The following TTLL8 variants were observed in gnomAD, a reference collection of about 807,000 sequenced individuals.
TTLL8 encodes the protein tubulin tyrosine ligase like 8.
TTLL8 carries 65 observed loss-of-function variants against 77.8 expected under a neutral mutation model. That is an observed-to-expected ratio of 0.84 (90% confidence interval 0.68 to 1.03). The LOEUF (loss-of-function observed/expected upper bound fraction) is 1.03, where lower values mean the gene tolerates loss of function less well. TTLL8 is among the 50% of genes least tolerant of loss of function. TTLL8 has a pLI of 0.00. For missense variants in TTLL8, 910 were observed against 1,004.5 expected (o/e 0.91, Z 1.27); for synonymous variants, 402 against 422.8 (o/e 0.95, Z 0.60).
intron 8 of TTLL8, among the ~76,000 whole-genome samples, chr22:50,038,840 T>C (rs113972777): frequency 4.3e-4 from 65 of 152,282 alleles, no homozygotes; most frequent in African/African-American, 1.5e-3. Context: ...AGTTTTTTCA[T>C]TTCCAAGTTG....
chr22:50,033,408 C>T (rs1325863726), exon 10 of TTLL8: 1 of 1,365,246 alleles, frequency 7.3e-7, no homozygotes, highest in East Asian at 4.6e-5. Flanking sequence ...CAGCTGCCAG[C>T]TCCAGGATCT....
chr22:50,030,319 C>T (rs1277101738), intron 12 of TTLL8, 111 bp downstream of exon 13: 1 of 1,131,982 alleles, frequency 8.8e-7, no homozygotes. Flanking sequence ...GGCCCCAGCA[C>T]CGAAGCCTGC....
At chr22:50,033,496 ACCTGAGCT>A in intron 9 of TTLL8, 51 bp from the exon 11 acceptor site, 1 of 1,324,918 alleles carries the variant, frequency 7.5e-7, no homozygotes, top group South Asian at 1.2e-5. Flanking sequence ...GTGCAGCGGG[ACCTGAGCT>A]CCTGAGCCCT....
chr22:50,054,675 C>G (rs376432781), upstream of TTLL8: 46 of 183,630 alleles, frequency 2.5e-4, no homozygotes, highest in Non-Finnish European at 6.7e-5. Context: ...GGACAAGCAC[C>G]CACCCTAGGA....
chr22:50,033,193 C>T lies in TTLL8; in HGVS notation c.1283+9G>A, dbSNP rs777931511. On this transcript the variant is annotated intron_variant, in intron 10 of 13. Transcript: ENST00000266182. The stretch of plus-strand genomic sequence containing the variant: ...GGCCCGAGGTGTCCAGGTCGCCCAC[C>T]GCACTGACCTGTCCAGCTTGTCCAG... The T allele has an allele frequency of 4.6e-5, 56 of 1,225,762 alleles. No homozygotes were observed. Among genetic ancestry groups the T allele is most frequent in the South Asian group, 1.8e-4 (15 of 81,108 alleles). The allele number at this position is 1,225,762 out of a possible 1,614,324, so 75.9% of individuals were successfully genotyped here.
chr22:50,041,595 G>T lies in TTLL8; in HGVS notation c.830+26C>A, dbSNP rs370036081. 887 of 1,325,610 alleles carry T rather than the reference G, an allele frequency of 6.7e-4. 1 individual carries two copies. The highest frequency in any genetic ancestry group is 8.4e-4 in the Non-Finnish European group (843 of 1,000,032). The allele number at this position is 1,325,610 out of a possible 1,614,324, so 82.1% of individuals were successfully genotyped here. Reference sequence around the variant, plus strand: ...CAATCTGCACTCACAGCTCCGACATGTGCCAGGGGCCTGCGTAAGTCTTAC... The same window carrying T: ...CAATCTGCACTCACAGCTCCGACATTTGCCAGGGGCCTGCGTAAGTCTTAC... On this transcript the variant is annotated intron_variant, in intron 7 of 13. Coordinates refer to ENST00000266182, the Ensembl canonical transcript of TTLL8. This position sits in a 1 kb window ranked among gnomAD's most constrained non-coding sequence, Gnocchi z 4.3.
chr22:50,058,124 T>C (rs866437232), upstream of TTLL8, among the ~76,000 whole-genome samples: 15 of 151,732 alleles, frequency 9.9e-5, no homozygotes, highest in South Asian at 3.1e-3. The surrounding 1 kb of genome is among the most constrained non-coding windows in gnomAD (Gnocchi z 4.2). Context: ...CGGACGGGCC[T>C]GGGGTTCCGC....
chr22:50,049,928 T>C lies in TTLL8; in HGVS notation c.190+181A>G, dbSNP rs1317975997. On this transcript the variant is annotated intron_variant, in intron 2 of 13. Transcript: ENST00000266182. ...GCAGGGCTGGGGGCTTGAAAGGGTT[T>C]GCCTGGCACGACCGCCTGGGGCAGG... is the stretch of plus-strand genomic sequence containing the variant. 7.8e-6 allele frequency: 4 copies of C among 515,624 alleles called. No homozygotes were observed. In the East Asian group the frequency reaches 6.0e-4, roughly 77 times the overall value. 31.9% of individuals were successfully genotyped at this position (515,624 alleles called of 1,614,324 possible).
chr22:50,022,317 C>T (rs35982258), intron 12 of TTLL8, among the ~76,000 whole-genome samples: 23,752 of 138,984 alleles, frequency 0.17, 2,173 homozygotes, highest in African/African-American at 0.25. Flanking sequence ...CACACTCCTC[C>T]GACGACGTGC....
chr22:50,019,042 A>G (rs1209665960), intron 12 of TTLL8, among the ~76,000 whole-genome samples: 1 of 152,262 alleles, frequency 6.6e-6, no homozygotes, highest in East Asian at 1.9e-4. Context: ...GCTGACAGCA[A>G]TAGCAGGAAG....
intron 12 of TTLL8, chr22:50,030,192 C>T (rs1453108919): frequency 3.0e-6 from 3 of 985,418 alleles, no homozygotes; most frequent in Non-Finnish European, 3.6e-6. Context: ...GGGACCCCAC[C>T]ATCCACCTGG....
chr22:50,056,765 C>G, upstream of TTLL8: 2 of 1,286,290 alleles, frequency 1.6e-6, no homozygotes, highest in Non-Finnish European at 2.0e-6. This position sits in a 1 kb window ranked among gnomAD's most constrained non-coding sequence, Gnocchi z 4.1. Context: ...AGTGCCTGCC[C>G]CCAGAGTCCC....
intron 12 of TTLL8, among the ~76,000 whole-genome samples, chr22:50,019,211 A>G (rs1434220373): frequency 6.6e-6 from 1 of 152,222 alleles, no homozygotes; most frequent in Non-Finnish European, 1.5e-5. Flanking sequence ...AGAGTCTGTA[A>G]CCTCCAAACC....
rs994154816 is a variant in TTLL8 at position 50,024,323 on chromosome 22, C to T, written c.2203+6107G>A. 9.2e-5 allele frequency among the ~76,000 whole-genome samples: 14 copies of T among 152,068 alleles called. No individual in the cohort carries two copies. The East Asian group carries it at 1.6e-3, about 17-fold the overall frequency. On this transcript the variant is annotated intron_variant, in intron 12 of 13. Coordinates refer to ENST00000266182, the Ensembl canonical transcript of TTLL8. ...GGCTATTTTTTTTTTAGTAGTTTCGCCATGTTGGTCAGGCTAGTTTCCAAC... is the reference window on the plus strand; with the variant it reads ...GGCTATTTTTTTTTTAGTAGTTTCGTCATGTTGGTCAGGCTAGTTTCCAAC...
intron 11 of TTLL8, 132 bp from the exon 13 acceptor site, chr22:50,031,057 C>T (rs2061287636): frequency 4.8e-6 from 4 of 827,744 alleles, no homozygotes; most frequent in African/African-American, 1.9e-5. Flanking sequence ...CAGTGAACAC[C>T]TGGGGTCCCA....
chr22:50,042,978 G>A (rs1233606418), intron 6 of TTLL8, among the ~76,000 whole-genome samples: 7 of 152,226 alleles, frequency 4.6e-5, no homozygotes, highest in East Asian at 3.8e-4. Flanking sequence ...CAGTAAGTGC[G>A]TTCCTTGGTA....
chr22:50,057,012 G>A, upstream of TTLL8: 1 of 1,268,962 alleles, frequency 7.9e-7, no homozygotes. Flanking sequence ...AAACTGGGAG[G>A]GTGTGGGGGG....
exon 6 of TTLL8, chr22:50,045,273 C>T (rs746587053): frequency 1.5e-5 from 21 of 1,357,408 alleles, no homozygotes; most frequent in East Asian, 9.1e-5. Flanking sequence ...CTGCTCAGGT[C>T]GCTGCTCCCG....
At chr22:50,023,803 G>A (rs998658187) in intron 12 of TTLL8, among the ~76,000 whole-genome samples, 13 of 151,900 alleles carry the variant, frequency 8.6e-5, no homozygotes, top group Non-Finnish European at 1.3e-4. Flanking sequence ...GGCAGATCAC[G>A]AGGTCAGGAG....
Sources: gnomAD v4.1 joint callset for allele counts (sites outside exome capture counted in the v4.1 genomes callset) on GRCh38, gnomAD v4.1.1 for gene constraint, Gnocchi (gnomAD v3.1) non-coding constraint, MANE v1.5 for transcripts, NCBI Gene and HGNC (gene_info 2026-07-23, HGNC 2026-07-21) for gene names.